ENO4: variants seen among roughly 807,000 people sequenced by gnomAD.
The protein encoded by ENO4 is enolase 4.
ENO4 carries 53 observed loss-of-function variants against 63.2 expected under a neutral mutation model. The observed-to-expected ratio is 0.84, with a 90% CI of 0.67 to 1.05. The LOEUF is 1.05. ENO4 is among the 50% of genes least tolerant of loss of function. The probability of loss-of-function intolerance (pLI) is 0.00; values close to 1 mark genes in which losing one functional copy is unlikely to be tolerated. For missense variants in ENO4, 719 were observed against 772.0 expected, an observed-to-expected ratio of 0.93 and a Z score of 0.81; for synonymous variants, 266 against 283.8, an observed-to-expected ratio of 0.94 and a Z score of 0.63.
chr10:116,863,911 GCTCTGATGTTGCA>G lies in ENO4; in HGVS notation c.990+1065_990+1077del, dbSNP rs372479118. ...TAGAGACTCAGACTTCGACAAGTTA[GCTCTGATGTTGCA>G]CTCTGCTTTGCCATTCATAACTCCG... On this transcript the variant is annotated intron_variant, in intron 7 of 13. Transcript: ENST00000341276. Among the ~76,000 whole-genome samples the G allele has an allele frequency of 1.2e-3, 178 of 152,306 alleles. 2 individuals are homozygous for G. The highest frequency in any genetic ancestry group is 4.0e-3 in the African/African-American group (168 of 41,556).
intron 10 of ENO4, among the ~76,000 whole-genome samples, chr10:116,907,443 A>C (rs1403656346): frequency 6.6e-6 from 1 of 152,184 alleles, no homozygotes; most frequent in African/African-American, 2.4e-5. Context: ...GAGATGCTAT[A>C]AATCTGTACT....
intron 10 of ENO4, among the ~76,000 whole-genome samples, chr10:116,908,482 C>G (rs1311503421): frequency 2.7e-4 from 41 of 152,054 alleles, no homozygotes; most frequent in Admixed American, 2.7e-3. Context: ...GAAAAAAGTA[C>G]TACAACAACT....
intron 11 of ENO4, among the ~76,000 whole-genome samples, chr10:116,878,309 G>A (rs1846892399): frequency 6.6e-6 from 1 of 152,236 alleles, no homozygotes; most frequent in African/African-American, 2.4e-5. Context: ...GTTGGTGCCA[G>A]AGGATGGAAG....
At chr10:116,853,048 C>T (rs1196805759) in intron 1 of ENO4, among the ~76,000 whole-genome samples, 1 of 152,140 alleles carries the variant, frequency 6.6e-6, no homozygotes, top group Non-Finnish European at 1.5e-5. Context: ...GTAATCCCAG[C>T]ACTTTGGGAG....
At chr10:116,899,506 G>GGC (rs1554906586) in intron 10 of ENO4, among the ~76,000 whole-genome samples, 2 of 124,500 alleles carry the variant, frequency 1.6e-5, no homozygotes, top group Non-Finnish European at 3.4e-5. Flanking sequence ...GGCTGGGGCT[G>GGC]GTGTGTGTGT....
chr10:116,894,821 A>T (rs1847458091), intron 10 of ENO4, among the ~76,000 whole-genome samples: 1 of 152,228 alleles, frequency 6.6e-6, no homozygotes, highest in Non-Finnish European at 1.5e-5. Context: ...AAGCAGCGCC[A>T]CTTTCAGATA....
chr10:116,875,586 CAT>C (rs1491304069), intron 10 of ENO4, among the ~76,000 whole-genome samples: 15 of 149,634 alleles, frequency 1.0e-4, no homozygotes, highest in African/African-American at 3.7e-4. Context: ...CACACACACA[CAT>C]GCACATGTAT....
intron 9 of ENO4, 75 bp from the exon 10 acceptor site, chr10:116,874,001 A>G: frequency 6.9e-7 from 1 of 1,444,512 alleles, no homozygotes; most frequent in Non-Finnish European, 9.3e-7. Context: ...ACGAAAACGA[A>G]TCTGAACCGT....
At chr10:116,858,919 A>T (rs1846339356) in intron 3 of ENO4, 71 bp from the exon 4 acceptor site, 3 of 1,063,790 alleles carry the variant, frequency 2.8e-6, no homozygotes. Flanking sequence ...GTCATCTCTA[A>T]AACATGACCA....
chr10:116,871,051 C>A, intron 8 of ENO4, 74 bp from the exon 9 acceptor site: 1 of 1,311,776 alleles, frequency 7.6e-7, no homozygotes, highest in South Asian at 1.4e-5. Context: ...GATCATAAAC[C>A]ATGCTTATCA....
At chr10:116,877,149 A>G (rs1846861331) in intron 11 of ENO4, among the ~76,000 whole-genome samples, 1 of 152,088 alleles carries the variant, frequency 6.6e-6, no homozygotes, top group African/African-American at 2.4e-5. Flanking sequence ...CAAGGCACCA[A>G]GCACAGCCAA....
At chr10:116,858,488 G>T (rs1183118232) in intron 3 of ENO4, among the ~76,000 whole-genome samples, 1 of 151,982 alleles carries the variant, frequency 6.6e-6, no homozygotes, top group Non-Finnish European at 1.5e-5. Context: ...GAAGTTTTTA[G>T]CCTCTTTATT....
intron 1 of ENO4, among the ~76,000 whole-genome samples, chr10:116,851,084 C>G (rs1366007146): frequency 6.6e-6 from 1 of 152,198 alleles, no homozygotes; most frequent in Non-Finnish European, 1.5e-5. Context: ...CTCACAGCTA[C>G]TTAGTGTACA....
At chr10:116,886,673 T>A, downstream of ENO4, 6 of 1,451,490 alleles carry the variant, frequency 4.1e-6, no homozygotes, top group Non-Finnish European at 5.6e-6. Flanking sequence ...GTTCTAAGTC[T>A]AATCAACATG....
chr10:116,886,317 A>C, downstream of ENO4: 1 of 1,551,888 alleles, frequency 6.4e-7, no homozygotes, highest in South Asian at 1.2e-5. Context: ...AAGGACTTCC[A>C]AACATGTCAG....
In ENO4 at chr10:116,861,178, A is replaced by T; in HGVS notation, c.924A>T (p.Leu308Phe). The T allele has an allele frequency of 6.7e-7, 1 of 1,498,654 alleles. No homozygotes were observed. The allele number at this position is 1,498,654 out of a possible 1,614,324, so 92.8% of individuals were successfully genotyped here. A position where few individuals can be genotyped will look rare whatever the true frequency, so the allele number is the denominator to read the frequency against. Residue 308 changes from leucine (L) to phenylalanine (F), a missense_variant, in exon 6 of 14, where the codon TTA (leucine) becomes TTT (phenylalanine). Physicochemically the swap from Leu to Phe is conservative, Grantham distance 22. Transcript: ENST00000341276. ...TGATTTGTATACCCCATCCTGAATT[A>T]ACAACCAAACAAGTACCTTACATTA... ...KEVICIPHPE[L>F]TTKQGVEMLM...
At chr10:116,885,290 G>A (rs1256884281), downstream of ENO4, 1 of 152,392 alleles carries the variant, frequency 6.6e-6, no homozygotes, top group East Asian at 1.9e-4. Context: ...GTGCATTCAA[G>A]TACATTACCA....
Position 116,851,488 on chromosome 10 carries a change from C to A in ENO4, c.165+1757C>A, listed in dbSNP as rs151295847. ...CAGCCTCGGCAACAGAGCGAGACTC[C>A]GTCTCAAAAAGAAAAACAGAAAAAA... On this transcript the variant is annotated intron_variant, in intron 1 of 13. Coordinates refer to ENST00000341276, the MANE Select transcript of ENO4 (RefSeq NM_001242699.2). Among the ~76,000 whole-genome samples, 55 of 152,332 alleles carry A rather than the reference C, an allele frequency of 3.6e-4. 1 individual carries two copies. Among genetic ancestry groups the A allele is most frequent in the African/African-American group, 1.3e-3 (53 of 41,578 alleles).
At chr10:116,886,774 AAAG>A (rs1356797764), downstream of ENO4, among the ~76,000 whole-genome samples, 5 of 152,218 alleles carry the variant, frequency 3.3e-5, no homozygotes, top group African/African-American at 1.2e-4. Flanking sequence ...AGGCCAGAAG[AAAG>A]AAGGCAGAGA....
Sources: allele counts gnomAD v4.1 joint callset (sites outside exome capture counted in the v4.1 genomes callset), GRCh38; gene constraint gnomAD v4.1.1; transcripts MANE v1.5; gene names NCBI Gene and HGNC (gene_info 2026-07-23, HGNC 2026-07-21).